TPRG1: variants seen among roughly 807,000 people sequenced by gnomAD.
TPRG1 encodes tumor protein p63-regulated gene 1 protein.
A neutral mutation model predicts 29.3 loss-of-function variants in TPRG1; 29 were observed. The observed-to-expected ratio is 0.99, with a 90% CI of 0.74 to 1.35. The LOEUF is 1.35. Among genes scored for constraint, TPRG1 ranks in the 40% most tolerant of loss-of-function variants. The probability of loss-of-function intolerance (pLI) is 0.00; values close to 1 mark genes in which losing one functional copy is unlikely to be tolerated. For synonymous variants in TPRG1, 130 were observed against 116.8 expected (o/e 1.11, Z -0.73); for missense variants, 327 against 335.0 (o/e 0.98, Z 0.19).
At chr3:189,316,614 G>A (rs1723568259) in intron 5 of TPRG1, among the ~76,000 whole-genome samples, 1 of 152,136 alleles carries the variant, frequency 6.6e-6, no homozygotes, top group African/African-American at 2.4e-5. Context: ...CAGGCACTCG[G>A]CTGGTAAATA....
At chr3:189,292,190 A>G (rs1195553528) in intron 4 of TPRG1, among the ~76,000 whole-genome samples, 1 of 151,956 alleles carries the variant, frequency 6.6e-6, no homozygotes, top group Non-Finnish European at 1.5e-5. Context: ...TAGGGACTCT[A>G]AAAAAGGCAG....
intron 4 of TPRG1, among the ~76,000 whole-genome samples, chr3:189,304,251 C>T (rs551499120): frequency 3.3e-5 from 5 of 151,986 alleles, no homozygotes; most frequent in Non-Finnish European, 7.4e-5. Flanking sequence ...GATGGATCCC[C>T]GGAGCCCGGA....
chr3:189,057,455 A>C (rs1464298943), intron 4 of TPRG1, among the ~76,000 whole-genome samples: 2 of 151,712 alleles, frequency 1.3e-5, no homozygotes, highest in African/African-American at 4.8e-5. Flanking sequence ...GATGGTAATA[A>C]GGAGACACGT....
intron 3 of TPRG1, among the ~76,000 whole-genome samples, chr3:189,013,217 A>C (rs754799854): frequency 1.3e-5 from 2 of 152,016 alleles, no homozygotes; most frequent in Non-Finnish European, 2.9e-5. Context: ...GGTACTTTGT[A>C]TCTTTGTTCT....
intron 1 of TPRG1, among the ~76,000 whole-genome samples, chr3:189,201,966 T>C (rs1733570080): frequency 3.3e-5 from 5 of 152,114 alleles, no homozygotes; most frequent in African/African-American, 9.7e-5. Context: ...TTGGCCTTTA[T>C]TGAACTGTTG....
At chr3:189,035,503 C>A (rs996359924) in intron 4 of TPRG1, among the ~76,000 whole-genome samples, 3 of 152,038 alleles carry the variant, frequency 2.0e-5, no homozygotes, top group Admixed American at 6.6e-5. Flanking sequence ...AGGCATCATA[C>A]AGAATGGGAG....
chr3:189,058,432 A>T (rs1170020729), intron 4 of TPRG1, among the ~76,000 whole-genome samples: 1 of 152,224 alleles, frequency 6.6e-6, no homozygotes, highest in African/African-American at 2.4e-5. Flanking sequence ...GAAAGTGAAA[A>T]TGTTAGCTGG....
At chr3:189,006,340 G>T (rs1237989004) in intron 3 of TPRG1, among the ~76,000 whole-genome samples, 1 of 152,084 alleles carries the variant, frequency 6.6e-6, no homozygotes, top group Non-Finnish European at 1.5e-5. Context: ...GATGTGAAAG[G>T]GTTTGTGTAG....
chr3:189,042,292 G>C (rs1466539312), intron 4 of TPRG1, among the ~76,000 whole-genome samples: 1 of 151,994 alleles, frequency 6.6e-6, no homozygotes, highest in Non-Finnish European at 1.5e-5. Flanking sequence ...AGCTTTTTTG[G>C]TTAATTTTAT....
At chr3:189,272,072 A>G (rs575484754) in intron 4 of TPRG1, among the ~76,000 whole-genome samples, 4 of 152,328 alleles carry the variant, frequency 2.6e-5, no homozygotes, top group Non-Finnish European at 5.9e-5. Flanking sequence ...TTTACAGCAC[A>G]GATGTCCCAC....
At chr3:189,004,930 GACATGCAATGTGAA>G (rs758785965) in intron 3 of TPRG1, among the ~76,000 whole-genome samples, 11 of 152,072 alleles carry the variant, frequency 7.2e-5, no homozygotes, top group Non-Finnish European at 1.3e-4. Flanking sequence ...TTTTGATACA[GACATGCAATGTGAA>G]ATAAGCAATA....
chr3:189,135,000 C>T (rs1013495089), intron 3 of TPRG1, among the ~76,000 whole-genome samples: 2 of 152,070 alleles, frequency 1.3e-5, no homozygotes, highest in Admixed American at 6.6e-5. Context: ...TTACGGGGTC[C>T]CTGAAAAGTT....
chr3:189,093,851 A>T (rs1718499542), intron 4 of TPRG1, among the ~76,000 whole-genome samples: 1 of 152,236 alleles, frequency 6.6e-6, no homozygotes. Context: ...GCATCTTTAG[A>T]GTTGACCGTG....
intron 1 of TPRG1, among the ~76,000 whole-genome samples, chr3:189,193,595 A>C (rs1259413768): frequency 7.2e-6 from 1 of 139,798 alleles, no homozygotes; most frequent in Admixed American, 7.3e-5. Flanking sequence ...AGCTTTCCTC[A>C]CTCCTTTTCA....
At chr3:189,030,705 T>G (rs116168103) in intron 4 of TPRG1, among the ~76,000 whole-genome samples, 2 of 151,958 alleles carry the variant, frequency 1.3e-5, no homozygotes, top group African/African-American at 4.8e-5. Context: ...AGGAGTGGAG[T>G]GTACAACCTG....
At chr3:189,225,428 T>C (rs1032105127) in intron 3 of TPRG1, among the ~76,000 whole-genome samples, 51 of 152,364 alleles carry the variant, frequency 3.3e-4, no homozygotes, top group African/African-American at 1.2e-3. Flanking sequence ...TACTGAAGGA[T>C]ATCAAATAGG....
chr3:189,248,394 G>C (rs751872850), intron 4 of TPRG1, among the ~76,000 whole-genome samples: 9 of 151,636 alleles, frequency 5.9e-5, no homozygotes, highest in Non-Finnish European at 1.3e-4. Context: ...TTGTTTGATA[G>C]ATTTTAAAGT....
chr3:189,232,906 C>T (rs748520493), intron 3 of TPRG1, among the ~76,000 whole-genome samples: 4 of 152,120 alleles, frequency 2.6e-5, no homozygotes, highest in Non-Finnish European at 4.4e-5. Context: ...CCTTTAGTGC[C>T]GTGCATTTTT....
At chr3:189,042,597 C>A (rs1045084893) in intron 4 of TPRG1, among the ~76,000 whole-genome samples, 3 of 151,240 alleles carry the variant, frequency 2.0e-5, no homozygotes, top group Non-Finnish European at 4.4e-5. Flanking sequence ...TCTGGGCTAG[C>A]AGGGGTCAGA....
Sources: gnomAD v4.1 joint callset for allele counts (sites outside exome capture counted in the v4.1 genomes callset) on GRCh38, gnomAD v4.1.1 for gene constraint, MANE v1.5 for transcripts, NCBI Gene and HGNC (gene_info 2026-07-23, HGNC 2026-07-21) for gene names.